BCL2L1: variants seen among roughly 807,000 people sequenced by gnomAD.
BCL2L1 encodes BCL2 like 1.
BCL2L1 carries 1 observed loss-of-function variant against 18.7 expected under a neutral mutation model. The observed-to-expected ratio is 0.05, with a 90% confidence interval of 0.02 to 0.25. BCL2L1 has a LOEUF of 0.25. Ranked by LOEUF, BCL2L1 falls within the 10% of genes least tolerant of loss-of-function variation. The pLI, the probability that BCL2L1 is intolerant of heterozygous loss-of-function variation, is 1.00. For missense variants in BCL2L1, 207 were observed against 304.9 expected (o/e 0.68, Z 2.39); for synonymous variants, 103 against 122.7 (o/e 0.84, Z 1.06).
chr20:31,707,577 G>A (rs1225327089), intron 2 of BCL2L1, among the ~76,000 whole-genome samples: 1 of 151,910 alleles, frequency 6.6e-6, no homozygotes, highest in South Asian at 2.1e-4. Context: ...TCAGGAGTTC[G>A]AGACCAGCCT....
At chr20:31,682,210 G>A (rs1456980325) in intron 2 of BCL2L1, among the ~76,000 whole-genome samples, 1 of 152,200 alleles carries the variant, frequency 6.6e-6, no homozygotes, top group Non-Finnish European at 1.5e-5. Flanking sequence ...AACTTCCCAA[G>A]TCCTTCCAAA....
chr20:31,707,647 G>A (rs1048299082), intron 2 of BCL2L1, among the ~76,000 whole-genome samples: 4 of 151,796 alleles, frequency 2.6e-5, no homozygotes, highest in South Asian at 2.1e-4. Context: ...GCGTGGTGGC[G>A]CATGCCTGTA....
chr20:31,719,011 C>T (rs138770169), intron 2 of BCL2L1, among the ~76,000 whole-genome samples: 134 of 152,330 alleles, frequency 8.8e-4, no homozygotes, highest in Non-Finnish European at 1.7e-3. Context: ...AGACACTTAA[C>T]TGGCTGAGGG....
At chr20:31,698,434 C>T (rs2061219506) in intron 2 of BCL2L1, among the ~76,000 whole-genome samples, 4 of 152,044 alleles carry the variant, frequency 2.6e-5, no homozygotes, top group Admixed American at 6.6e-5. Flanking sequence ...GGAGGTCTCA[C>T]TGTACTGCTC....
chr20:31,703,277 C>G (rs1600875795), intron 2 of BCL2L1, among the ~76,000 whole-genome samples: 1 of 152,116 alleles, frequency 6.6e-6, no homozygotes, highest in Non-Finnish European at 1.5e-5. Context: ...CTCATTACCT[C>G]AGGTGATCAC....
At chr20:31,711,710 T>C (rs919064450) in intron 2 of BCL2L1, among the ~76,000 whole-genome samples, 8 of 152,242 alleles carry the variant, frequency 5.3e-5, no homozygotes, top group African/African-American at 1.9e-4. Context: ...ACATGAATTC[T>C]AAGTCTGATG....
chr20:31,670,937 G>T (rs556548170), intron 2 of BCL2L1, among the ~76,000 whole-genome samples: 20 of 152,308 alleles, frequency 1.3e-4, no homozygotes, highest in African/African-American at 4.8e-4. Context: ...AGCCCCTACT[G>T]CACCTTGGGT....
intron 2 of BCL2L1, among the ~76,000 whole-genome samples, chr20:31,668,017 G>T (rs945695387): frequency 6.6e-6 from 1 of 152,072 alleles, no homozygotes; most frequent in Non-Finnish European, 1.5e-5. Context: ...GGCCAGCAAG[G>T]TCTAGTGGGA....
intron 2 of BCL2L1, among the ~76,000 whole-genome samples, chr20:31,690,175 C>T (rs576834488): frequency 3.7e-4 from 57 of 152,238 alleles, no homozygotes; most frequent in Admixed American, 9.8e-4. Flanking sequence ...CTTCAACCTC[C>T]CGGACTGAAG....
intron 2 of BCL2L1, among the ~76,000 whole-genome samples, chr20:31,681,866 TCAC>T (rs1207683539): frequency 6.6e-6 from 1 of 152,210 alleles, no homozygotes; most frequent in Non-Finnish European, 1.5e-5. Flanking sequence ...AATCATTTGC[TCAC>T]CAGGCCTCAA....
At chr20:31,701,954 C>G (rs1245009214) in intron 2 of BCL2L1, among the ~76,000 whole-genome samples, 1 of 152,136 alleles carries the variant, frequency 6.6e-6, no homozygotes, top group South Asian at 2.1e-4. Flanking sequence ...AATCATGGGG[C>G]TTATATTCTA....
chr20:31,718,311 C>G (rs767878288), intron 2 of BCL2L1, among the ~76,000 whole-genome samples: 2 of 152,316 alleles, frequency 1.3e-5, no homozygotes, highest in African/African-American at 4.8e-5. Flanking sequence ...TCTCCCCACA[C>G]GCACACCACT....
At chr20:31,717,408 G>A (rs1222424562) in intron 2 of BCL2L1, among the ~76,000 whole-genome samples, 3 of 152,160 alleles carry the variant, frequency 2.0e-5, no homozygotes, top group Non-Finnish European at 4.4e-5. Flanking sequence ...AAATACCCGG[G>A]TAATTTTCGA....
chr20:31,686,739 A>G (rs2060961917), intron 2 of BCL2L1, among the ~76,000 whole-genome samples: 1 of 152,114 alleles, frequency 6.6e-6, no homozygotes, highest in Non-Finnish European at 1.5e-5. Context: ...GTAAATGGAA[A>G]CCACAAGTCT....
At chr20:31,712,949 A>T (rs1384282778) in intron 2 of BCL2L1, among the ~76,000 whole-genome samples, 1 of 151,904 alleles carries the variant, frequency 6.6e-6, no homozygotes, top group Non-Finnish European at 1.5e-5. Context: ...TGACTGGGGG[A>T]GGGGAAGGCA....
chr20:31,692,904 C>T (rs1226737534), intron 2 of BCL2L1, among the ~76,000 whole-genome samples: 2 of 150,230 alleles, frequency 1.3e-5, no homozygotes, highest in African/African-American at 2.5e-5. Flanking sequence ...GAGTGAGACT[C>T]GGTCTTAAAA....
chr20:31,683,245 T>C (rs2060894151), intron 2 of BCL2L1, among the ~76,000 whole-genome samples: 1 of 152,234 alleles, frequency 6.6e-6, no homozygotes. Flanking sequence ...TCCTCAAACA[T>C]GCCAGGCACA....
At chr20:31,674,874 C>CA (rs11372425) in intron 2 of BCL2L1, among the ~76,000 whole-genome samples, 31,201 of 74,288 alleles carry the variant, frequency 0.42, 5,456 homozygotes, top group African/African-American at 0.59. Flanking sequence ...GACCCCGTCT[C>CA]AAAAAAAAAA....
chr20:31,669,578 G>A (rs749907192), intron 2 of BCL2L1, among the ~76,000 whole-genome samples: 1 of 151,298 alleles, frequency 6.6e-6, no homozygotes, highest in Non-Finnish European at 1.5e-5. Flanking sequence ...TCAGCCCCCC[G>A]AGTAGCGCCT....
Sources: gnomAD v4.1 joint callset for allele counts (sites outside exome capture counted in the v4.1 genomes callset) on GRCh38, gnomAD v4.1.1 for gene constraint, MANE v1.5 for transcripts, NCBI Gene and HGNC (gene_info 2026-07-23, HGNC 2026-07-21) for gene names.